Variants in PCTP observed in about 807,000 individuals in gnomAD.
PCTP encodes the protein START domain-containing protein 2.
PCTP carries 27 observed loss-of-function variants against 31.0 expected under a neutral mutation model. That is an observed-to-expected ratio of 0.87 (90% CI 0.64 to 1.20). PCTP has a LOEUF of 1.20. Among genes scored for constraint, PCTP ranks in the 50% most tolerant of loss-of-function variants. PCTP has a pLI of 0.00. For missense variants in PCTP, 287 were observed against 268.2 expected (o/e 1.07, Z -0.49); for synonymous variants, 108 against 101.2 (o/e 1.07, Z -0.40).
At chr17:55,830,836 C>T (rs1407199252) in intron 5 of PCTP, among the ~76,000 whole-genome samples, 1 of 152,110 alleles carries the variant, frequency 6.6e-6, no homozygotes, top group Non-Finnish European at 1.5e-5. Flanking sequence ...CTTAGACATG[C>T]CTGGGAGCAC....
intron 2 of PCTP, 189 bp from the exon 3 acceptor site, chr17:55,770,917 G>T (rs1338046878): frequency 2.7e-4 from 113 of 415,634 alleles, no homozygotes; most frequent in Non-Finnish European, 3.4e-4. Flanking sequence ...TTTATATATA[G>T]AGATGGGGTT....
chr17:55,777,451 G>C, downstream of PCTP: 1 of 922,062 alleles, frequency 1.1e-6, no homozygotes, highest in Non-Finnish European at 1.3e-6. Flanking sequence ...TTATTTGCAA[G>C]TGATATTCAG....
At chr17:55,802,144 C>A (rs749714290) in intron 3 of PCTP, among the ~76,000 whole-genome samples, 1 of 152,178 alleles carries the variant, frequency 6.6e-6, no homozygotes. Flanking sequence ...TGGACACATA[C>A]ACACTCCCAA....
chr17:55,820,761 A>G (rs1913088885), intron 3 of PCTP, among the ~76,000 whole-genome samples: 1 of 152,244 alleles, frequency 6.6e-6, no homozygotes, highest in African/African-American at 2.4e-5. Flanking sequence ...CAAATGGCCA[A>G]TAAGTGCATA....
chr17:55,781,929 GTGTGTGTACATGTA>G (rs944644006), downstream of PCTP, among the ~76,000 whole-genome samples: 5 of 152,166 alleles, frequency 3.3e-5, no homozygotes, highest in Non-Finnish European at 7.3e-5. Context: ...GTGTGTGTGT[GTGTGTGTACATGTA>G]TGTGTGGAAT....
chr17:55,833,799 G>T (rs1905685679), intron 5 of PCTP, among the ~76,000 whole-genome samples: 1 of 152,198 alleles, frequency 6.6e-6, no homozygotes, highest in African/African-American at 2.4e-5. Flanking sequence ...GAAAGACCTT[G>T]CCTCCTGCCT....
At chr17:55,772,116 G>C (rs886876776) in intron 3 of PCTP, among the ~76,000 whole-genome samples, 2 of 152,202 alleles carry the variant, frequency 1.3e-5, no homozygotes, top group African/African-American at 4.8e-5. Context: ...AAAGTTGGGG[G>C]AGAGAGTGGA....
chr17:55,776,276 C>T lies in PCTP; in HGVS notation c.*176C>T, dbSNP rs1911326277. 1 of 1,380,720 alleles carries T rather than the reference C, an allele frequency of 7.2e-7. No individual in the cohort carries two copies. The highest frequency in any genetic ancestry group is 1.5e-5 in the African/African-American group (1 of 68,116). The allele number at this position is 1,380,720 out of a possible 1,614,324, so 85.5% of individuals were successfully genotyped here. ...TTCAGAGGCCTACACACTACCACAT[C>T]CTTTCTAAGCATGTTTGCCTGACAT... On this transcript the variant is annotated 3_prime_UTR_variant, in exon 6 of 6. Coordinates refer to ENST00000268896, the MANE Select transcript of PCTP (RefSeq NM_021213.4).
At chr17:55,751,298 C>G in intron 1 of PCTP, 54 bp downstream of exon 1, 1 of 1,517,508 alleles carries the variant, frequency 6.6e-7, no homozygotes, top group East Asian at 2.5e-5. Flanking sequence ...CGGGGTCGAC[C>G]TCCCCGCAGG....
chr17:55,772,293 A>T (rs951719082), intron 3 of PCTP, among the ~76,000 whole-genome samples: 10 of 152,190 alleles, frequency 6.6e-5, no homozygotes, highest in African/African-American at 2.4e-4. Context: ...CGCTGTCAAG[A>T]CACTGAGGTG....
At chr17:55,778,660 CT>C (rs1911452860), downstream of PCTP, among the ~76,000 whole-genome samples, 1 of 152,038 alleles carries the variant, frequency 6.6e-6, no homozygotes, top group Admixed American at 6.6e-5. Flanking sequence ...TTGGTCCTTC[CT>C]TGAAGTACCA....
intron 3 of PCTP, among the ~76,000 whole-genome samples, chr17:55,802,896 G>A (rs1598007321): frequency 2.6e-5 from 4 of 151,780 alleles, no homozygotes; most frequent in Admixed American, 2.6e-4. Flanking sequence ...GACATAAAAG[G>A]TATTCAAATA....
intron 3 of PCTP, among the ~76,000 whole-genome samples, chr17:55,817,639 CTG>C (rs1174727576): frequency 6.6e-6 from 1 of 152,178 alleles, no homozygotes; most frequent in African/African-American, 2.4e-5. Flanking sequence ...GAACTGATGA[CTG>C]TGAGTTGTCA....
At position 55,776,144 on chromosome 17, in the gene PCTP, G is replaced by C; in HGVS notation, c.*44G>C. 1 of 1,609,792 alleles carries C rather than the reference G, an allele frequency of 6.2e-7. No homozygotes were observed. Among genetic ancestry groups the C allele is most frequent in the Non-Finnish European group, 8.5e-7 (1 of 1,178,056 alleles). Reference sequence around the variant, plus strand: ...TTGCATCCATGGGTTGATGTCTCTGGAAGTGCAACCACCCAATGTCTCTGG... The same window carrying C: ...TTGCATCCATGGGTTGATGTCTCTGCAAGTGCAACCACCCAATGTCTCTGG... On this transcript the variant is annotated 3_prime_UTR_variant, in exon 6 of 6. Coordinates refer to ENST00000268896, the MANE Select transcript of PCTP (RefSeq NM_021213.4).
At chr17:55,822,850 G>A (rs1332495686) in exon 4 of PCTP, 11 of 1,215,054 alleles carry the variant, frequency 9.1e-6, no homozygotes, top group Non-Finnish European at 1.1e-5. Context: ...AGATTGAGTG[G>A]AAGGAAGAGG....
chr17:55,803,317 T>C (rs1912452218), intron 3 of PCTP, among the ~76,000 whole-genome samples: 1 of 152,146 alleles, frequency 6.6e-6, no homozygotes. Context: ...GCTATCTCCA[T>C]CAAGCTACCA....
chr17:55,770,969 G>A, intron 2 of PCTP, 137 bp from the exon 3 acceptor site: 1 of 648,988 alleles, frequency 1.5e-6, no homozygotes, highest in South Asian at 1.8e-5. Flanking sequence ...CTGGACTTGA[G>A]CAATTGACTC....
At chr17:55,781,163 A>G (rs956252216), downstream of PCTP, among the ~76,000 whole-genome samples, 1 of 152,236 alleles carries the variant, frequency 6.6e-6, no homozygotes, top group African/African-American at 2.4e-5. Context: ...ACAATAAGTG[A>G]TCTGCAAATT....
intron 1 of PCTP, among the ~76,000 whole-genome samples, chr17:55,756,992 C>G (rs1567710001): frequency 2.0e-5 from 3 of 152,078 alleles, no homozygotes; most frequent in Admixed American, 1.3e-4. Context: ...ATCTCAGTTT[C>G]CTCATTTGCA....
Sources: allele counts gnomAD v4.1 joint callset (sites outside exome capture counted in the v4.1 genomes callset), GRCh38; gene constraint gnomAD v4.1.1; transcripts MANE v1.5; gene names NCBI Gene and HGNC (gene_info 2026-07-23, HGNC 2026-07-21).